SLC7A9: variants seen among roughly 807,000 people sequenced by gnomAD.
The protein encoded by SLC7A9 is B(0,+)-type amino acid transporter 1.
In SLC7A9, 38 loss-of-function variants were observed where a neutral mutation model predicts 54.1. The ratio of observed to expected loss-of-function variants is 0.70; its 90% CI spans 0.54 to 0.92. The LOEUF (loss-of-function observed/expected upper bound fraction) is 0.92, where lower values mean the gene tolerates loss of function less well. Among genes scored for constraint, SLC7A9 ranks in the 40% least tolerant of loss-of-function variants. SLC7A9 has a pLI of 0.00. For missense variants in SLC7A9, 537 were observed against 636.1 expected, an observed-to-expected ratio of 0.84 and a Z score of 1.68; for synonymous variants, 264 against 258.9, an observed-to-expected ratio of 1.02 and a Z score of -0.19.
At chr19:32,841,340 G>A (rs1478049765) in intron 11 of SLC7A9, among the ~76,000 whole-genome samples, 3 of 152,138 alleles carry the variant, frequency 2.0e-5, no homozygotes, top group Non-Finnish European at 4.4e-5. Context: ...TGCAGGGAGT[G>A]AGAGGGAGCC....
chr19:32,845,082 T>C (rs1439887150), intron 9 of SLC7A9, among the ~76,000 whole-genome samples: 1 of 150,548 alleles, frequency 6.6e-6, no homozygotes, highest in African/African-American at 2.5e-5. Flanking sequence ...GAGAATCGCT[T>C]GAACCCGGGA....
chr19:32,835,905 G>C (rs1188704914), intron 11 of SLC7A9, among the ~76,000 whole-genome samples: 2 of 111,552 alleles, frequency 1.8e-5, no homozygotes, highest in Non-Finnish European at 3.7e-5. Context: ...GTGTGTGTGT[G>C]TGTGTATGTG....
At chr19:32,839,224 G>A (rs1968059778) in intron 11 of SLC7A9, among the ~76,000 whole-genome samples, 1 of 152,134 alleles carries the variant, frequency 6.6e-6, no homozygotes, top group Admixed American at 6.5e-5. Flanking sequence ...GTGACTTTTT[G>A]GTTTCTGAAG....
intron 11 of SLC7A9, among the ~76,000 whole-genome samples, chr19:32,834,562 G>A (rs551667570): frequency 2.0e-5 from 3 of 152,022 alleles, no homozygotes; most frequent in Admixed American, 6.5e-5. Flanking sequence ...CCCGGGAGGC[G>A]GAGGCTGCAG....
At chr19:32,833,395 A>G in intron 11 of SLC7A9, 72 bp from the exon 12 acceptor site, 4 of 1,414,638 alleles carry the variant, frequency 2.8e-6, no homozygotes, top group Non-Finnish European at 4.0e-6. Flanking sequence ...ACCGATTTTT[A>G]TAAAAAGAGT....
At chr19:32,864,885 T>A in intron 2 of SLC7A9, 109 bp from the exon 3 acceptor site, 1 of 1,449,300 alleles carries the variant, frequency 6.9e-7, no homozygotes. Flanking sequence ...CCAAAGCCCA[T>A]GTCCCAGGCG....
intron 9 of SLC7A9, among the ~76,000 whole-genome samples, chr19:32,847,643 C>T (rs1182948878): frequency 2.6e-5 from 4 of 152,172 alleles, no homozygotes; most frequent in Non-Finnish European, 5.9e-5. Flanking sequence ...CTTCCCCAAT[C>T]TAGCAAGGCA....
intron 9 of SLC7A9, among the ~76,000 whole-genome samples, chr19:32,853,962 A>G (rs1269562924): frequency 6.6e-6 from 1 of 151,752 alleles, no homozygotes; most frequent in Non-Finnish European, 1.5e-5. Context: ...AGTTGTTAAA[A>G]CAAGATTAAA....
At chr19:32,837,878 G>A (rs959699897) in intron 11 of SLC7A9, among the ~76,000 whole-genome samples, 1 of 152,214 alleles carries the variant, frequency 6.6e-6, no homozygotes, top group African/African-American at 2.4e-5. Flanking sequence ...AGCTGGAAAT[G>A]AAAGCATTTA....
At chr19:32,857,284 G>A (rs73036836) in intron 9 of SLC7A9, among the ~76,000 whole-genome samples, 18,519 of 151,542 alleles carry the variant, frequency 0.12, 1,146 homozygotes, top group Middle Eastern at 0.18. Context: ...TCTTGACTAA[G>A]AATACAAAAG....
In SLC7A9 at chr19:32,836,975, C is replaced by A. The variant is rs79180036; in HGVS notation, c.1225-3652G>T. 8.5e-4 allele frequency among the ~76,000 whole-genome samples: 130 copies of A among 152,186 alleles called. 3 individuals are homozygous for A. The East Asian group carries it at 0.023, about 26-fold the overall frequency. On this transcript the variant is annotated intron_variant, in intron 11 of 12. Coordinates refer to ENST00000023064, the MANE Select transcript of SLC7A9 (RefSeq NM_014270.5). The stretch of plus-strand genomic sequence containing the variant: ...TTTAATTTTTCACAGCTTTGAAGAT[C>A]CGCCTGAAAAATCTTTTACTTTCAA...
Position 32,868,600 on chromosome 19 carries a change from G to A in SLC7A9, c.-66C>T. The A allele has an allele frequency of 7.2e-7, 1 of 1,390,914 alleles. No homozygotes were observed. The highest frequency in any genetic ancestry group is 1.0e-6 in the Non-Finnish European group (1 of 977,226). The allele number at this position is 1,390,914 out of a possible 1,614,324, so 86.2% of individuals were successfully genotyped here. On this transcript the variant is annotated 5_prime_UTR_variant, in exon 2 of 13. Transcript: ENST00000023064. ...ACAGCTAAATCTTGGTTCAGCAGCA[G>A]CAGACAAGACGCAAGTGCAAGCTCG...
intron 9 of SLC7A9, among the ~76,000 whole-genome samples, chr19:32,848,602 A>C (rs1374843034): frequency 6.6e-6 from 1 of 152,190 alleles, no homozygotes; most frequent in Non-Finnish European, 1.5e-5. Flanking sequence ...TTAACACCCC[A>C]CTGTCAACAT....
intron 5 of SLC7A9, 59 bp downstream of exon 5, chr19:32,862,402 C>A (rs934301197): frequency 6.2e-7 from 1 of 1,607,366 alleles, no homozygotes. Context: ...GCTGCTCCTG[C>A]TCCCAGTGGA....
At chr19:32,867,354 GA>G (rs1478659324) in intron 2 of SLC7A9, among the ~76,000 whole-genome samples, 2 of 151,890 alleles carry the variant, frequency 1.3e-5, no homozygotes, top group Admixed American at 1.3e-4. Flanking sequence ...GAATTTTTTT[GA>G]AAAGTTAAAA....
At chr19:32,867,140 G>A (rs1415484831) in intron 2 of SLC7A9, among the ~76,000 whole-genome samples, 2 of 152,216 alleles carry the variant, frequency 1.3e-5, no homozygotes, top group African/African-American at 4.8e-5. Context: ...GCTGGGGGCA[G>A]TACTTCCCAT....
chr19:32,862,583 A>G lies in SLC7A9; in HGVS notation c.482T>C (p.Phe161Ser), dbSNP rs773716775. 3.8e-5 allele frequency: 61 copies of G among 1,613,868 alleles called. No individual in the cohort carries two copies. The highest frequency in any genetic ancestry group is 5.1e-5 in the Non-Finnish European group (60 of 1,180,040). Residue 161 changes from phenylalanine (F) to serine (S), a missense_variant, in exon 5 of 13, where the codon TTC becomes TCC. Coordinates refer to ENST00000023064, the MANE Select transcript of SLC7A9 (RefSeq NM_014270.5). ...VKCLAAAAILFISTVNSLSVR... is the reference protein window; with the variant it reads ...VKCLAAAAILSISTVNSLSVR... ...GCTCAGTGAGTTCACTGTCGAGATGAACACTGGAAGGGTGGGGACAGTTTC... is the reference window on the plus strand; with the variant it reads ...GCTCAGTGAGTTCACTGTCGAGATGGACACTGGAAGGGTGGGGACAGTTTC...
rs555980930 is a variant in SLC7A9, at chr19:32,869,477, G to T, written c.-112+209C>A. Among the ~76,000 whole-genome samples, 222 of 152,260 alleles carry T rather than the reference G, an allele frequency of 1.5e-3. 1 individual carries two copies. Among genetic ancestry groups the T allele is most frequent in the African/African-American group, 5.1e-3 (213 of 41,544 alleles). On this transcript the variant is annotated intron_variant, in intron 1 of 12. Coordinates refer to ENST00000023064, the MANE Select transcript of SLC7A9 (RefSeq NM_014270.5). ...TCCTTCCACCTCGGCCTCCCAAAGG[G>T]CTGGGATTTCAGGGGTGAGCCACCA...
At chr19:32,830,854 C>G (rs1219829146) in intron 12 of SLC7A9, among the ~76,000 whole-genome samples, 170 bp from the exon 13 acceptor site, 1 of 152,150 alleles carries the variant, frequency 6.6e-6, no homozygotes, top group Non-Finnish European at 1.5e-5. Context: ...TTCACACTTT[C>G]CTGGCTTCTG....
Sources: gnomAD v4.1 joint callset for allele counts (sites outside exome capture counted in the v4.1 genomes callset) on GRCh38, gnomAD v4.1.1 for gene constraint, MANE v1.5 for transcripts, NCBI Gene and HGNC (gene_info 2026-07-23, HGNC 2026-07-21) for gene names.